DENND2B: variants seen among roughly 807,000 people sequenced by gnomAD.
DENND2B encodes DENN domain-containing protein 2B.
A neutral mutation model predicts 116.0 loss-of-function variants in DENND2B; 32 were observed. That is an observed-to-expected ratio of 0.28 (90% CI 0.21 to 0.37). DENND2B has a LOEUF of 0.37. Among genes scored for constraint, DENND2B ranks in the 10% least tolerant of loss-of-function variants. The pLI, the probability that DENND2B is intolerant of heterozygous loss-of-function variation, is 1.00. For missense variants in DENND2B, 1,276 were observed against 1,477.7 expected (o/e 0.86, Z 2.24); for synonymous variants, 588 against 583.9 (o/e 1.01, Z -0.10).
chr11:8,808,329 A>G (rs2061060681), intron 1 of DENND2B: 1 of 152,274 alleles, frequency 6.6e-6, no homozygotes, highest in Non-Finnish European at 1.5e-5. Context: ...TTATGGTGCC[A>G]CAACTCTACA....
At chr11:8,720,587 C>T (rs1045892988) in intron 4 of DENND2B, among the ~76,000 whole-genome samples, 7 of 152,204 alleles carry the variant, frequency 4.6e-5, no homozygotes, top group South Asian at 2.1e-4. Flanking sequence ...AGCAAATAGA[C>T]GGCTGGCTGC....
chr11:8,841,581 T>C lies in DENND2B; in HGVS notation c.-155-2231A>G, dbSNP rs541740479. On this transcript the variant is annotated intron_variant, in intron 3 of 6. Coordinates refer to the DENND2B transcript ENST00000524757. Reference sequence around the variant, plus strand: ...AGGAGGATTGCTTGAGCCTGGGCGGTCGAGGCTGCAGTGAGTTATGACTGT... The same window carrying C: ...AGGAGGATTGCTTGAGCCTGGGCGGCCGAGGCTGCAGTGAGTTATGACTGT... 2.0e-5 allele frequency among the ~76,000 whole-genome samples: 3 copies of C among 152,292 alleles called. No individual in the cohort carries two copies. The East Asian group carries it at 5.8e-4, about 29-fold the overall frequency.
chr11:8,789,438 A>G (rs1172570738), intron 1 of DENND2B, among the ~76,000 whole-genome samples: 2 of 152,228 alleles, frequency 1.3e-5, no homozygotes, highest in East Asian at 3.8e-4. Flanking sequence ...TGAAAACTAT[A>G]ATTTCACGAT....
chr11:8,903,889 CAA>C (rs61317026), intron 1 of DENND2B, among the ~76,000 whole-genome samples: 84 of 75,346 alleles, frequency 1.1e-3, no homozygotes, highest in East Asian at 3.0e-3. Flanking sequence ...GACCTTGTCT[CAA>C]AAAAAAAAAA....
At chr11:8,717,186 T>C (rs1436938147) in intron 5 of DENND2B, among the ~76,000 whole-genome samples, 4 of 152,178 alleles carry the variant, frequency 2.6e-5, no homozygotes, top group African/African-American at 9.7e-5. Flanking sequence ...TTCCTGTCAT[T>C]CTGCCTTCTC....
chr11:8,828,526 C>A (rs1251555405), intron 4 of DENND2B, among the ~76,000 whole-genome samples: 2 of 152,064 alleles, frequency 1.3e-5, no homozygotes, highest in Non-Finnish European at 2.9e-5. Flanking sequence ...CAAAGGGGAC[C>A]CTCATCTCTG....
At chr11:8,797,466 C>T (rs1319380911) in intron 1 of DENND2B, among the ~76,000 whole-genome samples, 1 of 128,844 alleles carries the variant, frequency 7.8e-6, no homozygotes. Flanking sequence ...TCCTTCTTCC[C>T]CTTTCTTCCC....
chr11:8,812,200 C>A (rs1470936094), upstream of DENND2B, among the ~76,000 whole-genome samples: 3 of 152,200 alleles, frequency 2.0e-5, no homozygotes, highest in Admixed American at 2.0e-4. Flanking sequence ...CAAAAACTGT[C>A]AACTTTTTGA....
chr11:8,829,610 C>T (rs1439209701), intron 4 of DENND2B, among the ~76,000 whole-genome samples: 4 of 152,138 alleles, frequency 2.6e-5, no homozygotes, highest in Non-Finnish European at 1.5e-5. Context: ...AAGTTTCTCT[C>T]AGCTCTCAGA....
chr11:8,815,626 TCAC>T (rs1167281104), upstream of DENND2B, among the ~76,000 whole-genome samples: 2 of 152,202 alleles, frequency 1.3e-5, no homozygotes, highest in Non-Finnish European at 2.9e-5. Flanking sequence ...AACTCATTTA[TCAC>T]CTCCTCTGTA....
rs1162347788 is a variant in DENND2B, at chr11:8,711,238, G to A, written c.2173-7C>T. On this transcript the variant is annotated splice_polypyrimidine_tract_variant and splice_region_variant and intron_variant, in intron 9 of 19. Coordinates refer to ENST00000313726, the MANE Select transcript of DENND2B (RefSeq NM_213618.2). ...GCTTGGTGGGTCGGTCCAGCTGCAG[G>A]GAAGAAGGAACCAGGAGATGACATG... 3.7e-6 allele frequency: 6 copies of A among 1,613,160 alleles called. No homozygotes were observed. The South Asian group carries it at 4.4e-5, about 12-fold the overall frequency.
chr11:8,710,636 C>G (rs992584511), intron 11 of DENND2B, among the ~76,000 whole-genome samples: 15 of 152,158 alleles, frequency 9.9e-5, no homozygotes, highest in Non-Finnish European at 2.1e-4. Context: ...AAGCACCACT[C>G]TGAGCCCTGC....
intron 1 of DENND2B, among the ~76,000 whole-genome samples, chr11:8,754,727 A>AT (rs1311866725): frequency 1.1e-4 from 16 of 152,376 alleles, no homozygotes; most frequent in African/African-American, 3.8e-4. Flanking sequence ...ACAATGGAAT[A>AT]TTATTCAGAC....
At chr11:8,905,390 A>C (rs1293320968) in intron 1 of DENND2B, among the ~76,000 whole-genome samples, 1 of 152,250 alleles carries the variant, frequency 6.6e-6, no homozygotes, top group Non-Finnish European at 1.5e-5. Flanking sequence ...ATAAAAATTA[A>C]TGCAAAATGG....
At chr11:8,853,092 G>A (rs145301510) in intron 3 of DENND2B, among the ~76,000 whole-genome samples, 2,686 of 152,242 alleles carry the variant, frequency 0.018, 86 homozygotes, top group African/African-American at 0.061. Flanking sequence ...GGCCAGGCGC[G>A]GTGGCTCACG....
At chr11:8,880,384 T>TGTGTGTGTGTGTGTG (rs1566080061) in intron 2 of DENND2B, among the ~76,000 whole-genome samples, 4 of 149,996 alleles carry the variant, frequency 2.7e-5, no homozygotes, top group Non-Finnish European at 3.0e-5. Flanking sequence ...TGTGTGTGTG[T>TGTGTGTGTGTGTGTG]AGTTTTTACT....
In DENND2B at chr11:8,731,182, A is replaced by G; in HGVS notation, c.108T>C (p.Val36=). 1 of 1,524,218 alleles carries G rather than the reference A, an allele frequency of 6.6e-7. No homozygotes were observed. Among genetic ancestry groups the G allele is most frequent in the South Asian group, 1.3e-5 (1 of 76,324 alleles). 94.4% of individuals were successfully genotyped at this position (1,524,218 alleles called of 1,614,324 possible). The stretch of plus-strand genomic sequence containing the variant: ...AGATGGGACTCCTTGGTGGGGAGAG[A>G]ACTGGAGGTGGAGAGACTGACTGAG... The part of the protein sequence containing the change: ...SRSQSVSPPP[V]LSPPRSPIYP... The change falls in exon 3 of 20, where the codon GTT becomes GTC. Residue 36 remains valine (V), a synonymous_variant. Transcript: ENST00000313726.
At chr11:8,772,104 C>T (rs945010135) in intron 1 of DENND2B, among the ~76,000 whole-genome samples, 3 of 148,920 alleles carry the variant, frequency 2.0e-5, no homozygotes, top group Non-Finnish European at 4.5e-5. Flanking sequence ...GAGGGTGGTG[C>T]ACCCTGAGAG....
chr11:8,846,575 G>T (rs1211228244), intron 3 of DENND2B, among the ~76,000 whole-genome samples: 1 of 152,122 alleles, frequency 6.6e-6, no homozygotes, highest in African/African-American at 2.4e-5. Context: ...AAATGAACCT[G>T]GTTTCATAAA....
Sources: allele counts gnomAD v4.1 joint callset (sites outside exome capture counted in the v4.1 genomes callset), GRCh38; gene constraint gnomAD v4.1.1; transcripts MANE v1.5; gene names NCBI Gene and HGNC (gene_info 2026-07-23, HGNC 2026-07-21).